The following CSMD1 variants were observed in gnomAD, a reference collection of about 807,000 sequenced individuals.
The protein encoded by CSMD1 is CUB and Sushi multiple domains 1, also known as CUB and sushi domain-containing protein 1.
A neutral mutation model predicts 417.5 loss-of-function variants in CSMD1; 213 were observed. That is an observed-to-expected ratio of 0.51 (90% CI 0.46 to 0.57). The LOEUF (loss-of-function observed/expected upper bound fraction) is 0.57. Among genes scored for constraint, CSMD1 ranks in the 20% least tolerant of loss-of-function variants. The pLI is 0.00. For synonymous variants in CSMD1, 2,862 were observed against 1,736.8 expected (o/e 1.65, Z -16.11); for missense variants, 6,923 against 4,529.7 (o/e 1.53, Z -15.17).
chr8:3,740,842 G>T (rs1015341276), intron 6 of CSMD1, among the ~76,000 whole-genome samples: 2 of 152,126 alleles, frequency 1.3e-5, no homozygotes, highest in African/African-American at 4.8e-5. Flanking sequence ...GTGCCCAGTG[G>T]AGGAGAGTAT....
chr8:3,616,180 C>G (rs1027210053), intron 8 of CSMD1, among the ~76,000 whole-genome samples: 11 of 152,146 alleles, frequency 7.2e-5, no homozygotes, highest in African/African-American at 2.7e-4. Flanking sequence ...CAAATCTCAT[C>G]TGGAACTGTA....
rs181930046 is a variant in CSMD1 at position 4,517,832 on chromosome 8, A to C, written c.303-97767T>G. On this transcript the variant is annotated intron_variant, in intron 2 of 69. Coordinates refer to ENST00000635120, the MANE Select transcript of CSMD1 (RefSeq NM_033225.6). Reference sequence around the variant, plus strand: ...AAACATGATTGTCAAACATATATTCAACAGTTGTCAGATGCAAAAGCCACA... The same window carrying C: ...AAACATGATTGTCAAACATATATTCCACAGTTGTCAGATGCAAAAGCCACA... 3.3e-5 allele frequency among the ~76,000 whole-genome samples: 5 copies of C among 152,354 alleles called. No homozygotes were observed. In the East Asian group the frequency reaches 9.6e-4, roughly 29 times the overall value.
At chr8:3,420,203 T>A (rs1001309319) in intron 12 of CSMD1, among the ~76,000 whole-genome samples, 1 of 152,170 alleles carries the variant, frequency 6.6e-6, no homozygotes, top group Non-Finnish European at 1.5e-5. Flanking sequence ...AACTACTTTA[T>A]GATATTCCTG....
intron 1 of CSMD1, among the ~76,000 whole-genome samples, chr8:4,841,768 G>C (rs1222739532): frequency 6.6e-6 from 1 of 151,604 alleles, no homozygotes. Context: ...AAAATTAGCT[G>C]GGCGTGGTGG....
At chr8:4,183,858 C>T (rs112416953) in intron 3 of CSMD1, among the ~76,000 whole-genome samples, 13 of 152,286 alleles carry the variant, frequency 8.5e-5, no homozygotes, top group African/African-American at 3.1e-4. Context: ...CCACTTAAAA[C>T]ACTCAGTGAG....
intron 5 of CSMD1, among the ~76,000 whole-genome samples, chr8:3,886,657 C>A (rs548198940): frequency 1.3e-5 from 2 of 152,118 alleles, no homozygotes; most frequent in African/African-American, 4.8e-5. Context: ...TATCTTCTAA[C>A]AACAGCTACT....
intron 6 of CSMD1, among the ~76,000 whole-genome samples, chr8:3,741,798 C>T (rs1584931442): frequency 1.3e-5 from 2 of 152,300 alleles, no homozygotes. Context: ...CTATGACCCT[C>T]CATGGCCCTT....
At chr8:4,352,393 C>G (rs778021947) in intron 3 of CSMD1, among the ~76,000 whole-genome samples, 17 of 152,046 alleles carry the variant, frequency 1.1e-4, no homozygotes, top group Non-Finnish European at 2.4e-4. Context: ...TCTGTAGATC[C>G]ACAGAAAATG....
intron 2 of CSMD1, among the ~76,000 whole-genome samples, chr8:4,612,690 T>C (rs201115630): frequency 6.6e-6 from 1 of 152,026 alleles, no homozygotes; most frequent in African/African-American, 2.4e-5. Flanking sequence ...TCACGCCACA[T>C]CCCTGCCACT....
At chr8:4,192,223 A>T (rs1301657897) in intron 3 of CSMD1, among the ~76,000 whole-genome samples, 2 of 152,204 alleles carry the variant, frequency 1.3e-5, no homozygotes, top group East Asian at 1.9e-4. Context: ...AAGATGATTG[A>T]ATGTTAACAA....
chr8:3,469,743 T>C (rs1416479363), intron 11 of CSMD1, among the ~76,000 whole-genome samples: 2 of 152,152 alleles, frequency 1.3e-5, no homozygotes, highest in Non-Finnish European at 2.9e-5. Flanking sequence ...ATCCTCACCT[T>C]AGGCAGTACA....
At chr8:3,879,010 T>C (rs948581010) in intron 5 of CSMD1, among the ~76,000 whole-genome samples, 1 of 152,296 alleles carries the variant, frequency 6.6e-6, no homozygotes, top group East Asian at 1.9e-4. Context: ...TTAGTACTAA[T>C]AATTTAGTAT....
At chr8:4,247,082 G>T (rs1203271223) in intron 3 of CSMD1, among the ~76,000 whole-genome samples, 1 of 152,146 alleles carries the variant, frequency 6.6e-6, no homozygotes, top group East Asian at 1.9e-4. Flanking sequence ...GCTACCCCAT[G>T]GGTTGTACGG....
intron 3 of CSMD1, among the ~76,000 whole-genome samples, chr8:4,147,116 A>G (rs1647365): frequency 6.6e-6 from 1 of 151,598 alleles, no homozygotes; most frequent in Non-Finnish European, 1.5e-5. Context: ...TCCCCTCCTG[A>G]CCAATCTCTT....
intron 7 of CSMD1, among the ~76,000 whole-genome samples, chr8:3,623,621 A>G (rs1300621034): frequency 6.6e-6 from 1 of 152,210 alleles, no homozygotes; most frequent in Non-Finnish European, 1.5e-5. Flanking sequence ...TAATCAGGCT[A>G]TGAATTGTTA....
intron 2 of CSMD1, among the ~76,000 whole-genome samples, chr8:4,542,118 T>A (rs1310571326): frequency 1.3e-5 from 2 of 151,992 alleles, no homozygotes; most frequent in African/African-American, 2.4e-5. Context: ...GACAATGAAC[T>A]CAACAGTTTG....
chr8:4,665,645 G>A (rs77433377), intron 1 of CSMD1, among the ~76,000 whole-genome samples: 9,683 of 152,144 alleles, frequency 0.064, 375 homozygotes, highest in East Asian at 0.21. Context: ...CTTATTCCAC[G>A]TTAGCATAAC....
At chr8:3,545,130 C>T (rs924216388) in intron 10 of CSMD1, among the ~76,000 whole-genome samples, 6 of 152,130 alleles carry the variant, frequency 3.9e-5, no homozygotes, top group African/African-American at 1.4e-4. Context: ...TCGTCTCTCT[C>T]TTTCTCCGTC....
intron 1 of CSMD1, among the ~76,000 whole-genome samples, chr8:4,663,345 T>C (rs992005434): frequency 2.6e-5 from 4 of 152,196 alleles, no homozygotes; most frequent in African/African-American, 7.2e-5. Context: ...CAAAACTACG[T>C]AGAATCTACA....
Sources: gnomAD v4.1 joint callset for allele counts (sites outside exome capture counted in the v4.1 genomes callset) on GRCh38, gnomAD v4.1.1 for gene constraint, MANE v1.5 for transcripts, NCBI Gene and HGNC (gene_info 2026-07-23, HGNC 2026-07-21) for gene names.